Variants in RASEF observed in about 807,000 individuals in gnomAD.
RASEF encodes the protein ras and EF-hand domain-containing protein.
RASEF carries 68 observed loss-of-function variants against 90.1 expected under a neutral mutation model. That is an observed-to-expected ratio of 0.75 (90% CI 0.62 to 0.92). The LOEUF is 0.92. Ranked by LOEUF, RASEF falls within the 40% of genes least tolerant of loss-of-function variation. The pLI, the probability that RASEF is intolerant of heterozygous loss-of-function variation, is 0.00. For synonymous variants in RASEF, 331 were observed against 345.2 expected, an observed-to-expected ratio of 0.96 and a Z score of 0.46; for missense variants, 949 against 937.2, an observed-to-expected ratio of 1.01 and a Z score of -0.16.
chr9:83,021,977 C>T (rs1411209573), intron 3 of RASEF, among the ~76,000 whole-genome samples: 1 of 151,944 alleles, frequency 6.6e-6, no homozygotes, highest in Non-Finnish European at 1.5e-5. Context: ...AAAGTCAAGC[C>T]ACCTTCTCTA....
chr9:83,035,300 T>C (rs529287706), intron 1 of RASEF, among the ~76,000 whole-genome samples: 2 of 152,294 alleles, frequency 1.3e-5, no homozygotes, highest in South Asian at 2.1e-4. Context: ...AATGAATAAG[T>C]TTGGCTGTGT....
intron 1 of RASEF, among the ~76,000 whole-genome samples, chr9:83,043,665 G>C (rs1255637725): frequency 6.6e-6 from 1 of 152,156 alleles, no homozygotes; most frequent in Non-Finnish European, 1.5e-5. Flanking sequence ...AGCACCCCCA[G>C]GCAAAATTTT....
At chr9:83,001,541 C>T (rs188405586) in intron 9 of RASEF, among the ~76,000 whole-genome samples, 2 of 152,300 alleles carry the variant, frequency 1.3e-5, no homozygotes, top group Non-Finnish European at 2.9e-5. Context: ...AACATCTCTA[C>T]TTAAAAGGGC....
At chr9:83,073,865 G>A in the RASEF span, among the ~76,000 whole-genome samples, 308 of 152,266 alleles carry the variant, frequency 2.0e-3, no homozygotes, top group African/African-American at 6.9e-3. Flanking sequence ...AATATTTAAA[G>A]TTTAGTACTT....
the RASEF span, among the ~76,000 whole-genome samples, chr9:83,172,654 T>A: frequency 6.6e-6 from 1 of 151,912 alleles, no homozygotes; most frequent in Non-Finnish European, 1.5e-5. Flanking sequence ...TTTAAAAATG[T>A]ACACTAACTT....
intron 7 of RASEF, among the ~76,000 whole-genome samples, chr9:83,007,093 C>CAAAAA (rs11394639): frequency 3.9e-5 from 5 of 127,182 alleles, no homozygotes; most frequent in African/African-American, 1.1e-4. Flanking sequence ...GACTCTGTCT[C>CAAAAA]AAAAAAAAAA....
At chr9:83,213,212 C>A in the RASEF span, among the ~76,000 whole-genome samples, 6 of 151,610 alleles carry the variant, frequency 4.0e-5, no homozygotes, top group Non-Finnish European at 8.8e-5. Context: ...CCAGCCTGGC[C>A]AACATGGTGA....
chr9:83,055,461 A>G (rs1192903159), intron 1 of RASEF: 3 of 656,750 alleles, frequency 4.6e-6, no homozygotes, highest in Non-Finnish European at 5.6e-6. Flanking sequence ...CCGTAGTGAG[A>G]TGAACCCGGT....
At chr9:83,007,401 A>C (rs1328288903) in intron 7 of RASEF, 36 bp downstream of exon 7, 1 of 1,493,118 alleles carries the variant, frequency 6.7e-7, no homozygotes, top group East Asian at 2.3e-5. Flanking sequence ...AACAAGTGAA[A>C]TGTAAATGTA....
chr9:83,077,001 T>C, the RASEF span, among the ~76,000 whole-genome samples: 1 of 152,216 alleles, frequency 6.6e-6, no homozygotes, highest in Non-Finnish European at 1.5e-5. Context: ...AATTCCAAAG[T>C]ACAAAGAAAC....
the RASEF span, among the ~76,000 whole-genome samples, chr9:83,114,160 G>A: frequency 7.9e-5 from 12 of 152,236 alleles, no homozygotes; most frequent in Non-Finnish European, 1.8e-4. Context: ...TGAAGATTTC[G>A]TGGACATTTA....
At chr9:83,200,463 T>A in the RASEF span, among the ~76,000 whole-genome samples, 1,000 of 152,314 alleles carry the variant, frequency 6.6e-3, 7 homozygotes, top group African/African-American at 0.023. Flanking sequence ...TTAGAAGCCT[T>A]GCACTTGTTG....
At chr9:83,068,966 C>A in the RASEF span, among the ~76,000 whole-genome samples, 1 of 152,150 alleles carries the variant, frequency 6.6e-6, no homozygotes, top group Non-Finnish European at 1.5e-5. Context: ...GTCTTGTAAA[C>A]ATGCCATTTA....
the RASEF span, among the ~76,000 whole-genome samples, chr9:83,106,144 G>A: frequency 3.9e-5 from 6 of 152,070 alleles, no homozygotes; most frequent in African/African-American, 1.4e-4. Context: ...TAAATCCTTG[G>A]GCTAGCTCTC....
the RASEF span, among the ~76,000 whole-genome samples, chr9:83,084,565 G>T: frequency 3.3e-5 from 5 of 152,180 alleles, no homozygotes; most frequent in Admixed American, 1.3e-4. Flanking sequence ...GGGGCGACTT[G>T]ATGCATAGGG....
the RASEF span, among the ~76,000 whole-genome samples, chr9:83,180,085 GTT>G: frequency 2.0e-5 from 3 of 152,106 alleles, no homozygotes; most frequent in East Asian, 5.8e-4. Flanking sequence ...CTATATGCCT[GTT>G]TATATAACTT....
chr9:83,023,248 T>C (rs1829475812), intron 2 of RASEF, among the ~76,000 whole-genome samples: 1 of 152,330 alleles, frequency 6.6e-6, no homozygotes, highest in South Asian at 2.1e-4. Flanking sequence ...TTCTAGAATG[T>C]AGATAAGGTT....
chr9:83,011,561 A>AC (rs907736859), intron 5 of RASEF, among the ~76,000 whole-genome samples: 3 of 149,828 alleles, frequency 2.0e-5, no homozygotes, highest in African/African-American at 7.4e-5. Flanking sequence ...AAAAAAAAAA[A>AC]AAAAAAAAAA....
the RASEF span, among the ~76,000 whole-genome samples, chr9:83,182,182 T>C: frequency 6.6e-6 from 1 of 152,176 alleles, no homozygotes; most frequent in Non-Finnish European, 1.5e-5. Flanking sequence ...CCTCTCACTA[T>C]AAAAAATGCC....
Sources: gnomAD v4.1 joint callset for allele counts (sites outside exome capture counted in the v4.1 genomes callset) on GRCh38, gnomAD v4.1.1 for gene constraint, MANE v1.5 for transcripts, NCBI Gene and HGNC (gene_info 2026-07-23, HGNC 2026-07-21) for gene names.